Variants in INTS7 observed in about 807,000 individuals in gnomAD.
INTS7 encodes the protein integrator complex subunit 7, also known as chromosome 1 open reading frame 73.
Under a neutral mutation model 109.2 loss-of-function variants are expected in INTS7, and 46 were observed. The observed-to-expected ratio is 0.42, with a 90% CI of 0.33 to 0.54. The LOEUF is 0.54. Among genes scored for constraint, INTS7 ranks in the 20% least tolerant of loss-of-function variants. The probability of loss-of-function intolerance (pLI) is 0.07; values close to 1 mark genes in which losing one functional copy is unlikely to be tolerated. For missense variants in INTS7, 929 were observed against 1,132.4 expected (o/e 0.82, Z 2.58); for synonymous variants, 412 against 402.9 (o/e 1.02, Z -0.27).
chr1:212,016,258 G>GCTTTTCATA (rs2102484204), intron 4 of INTS7, among the ~76,000 whole-genome samples: 1 of 152,214 alleles, frequency 6.6e-6, no homozygotes, highest in South Asian at 2.1e-4. Flanking sequence ...CTTGTTTAAG[G>GCTTTTCATA]CTTTTCATAC....
intron 14 of INTS7, among the ~76,000 whole-genome samples, chr1:211,968,288 T>C (rs1664001344): frequency 6.6e-6 from 1 of 152,236 alleles, no homozygotes; most frequent in Non-Finnish European, 1.5e-5. Context: ...TAAAAAAATC[T>C]GTCCTTTCTC....
chr1:211,948,066 G>C (rs1025930460), intron 17 of INTS7, among the ~76,000 whole-genome samples: 5 of 152,144 alleles, frequency 3.3e-5, no homozygotes, highest in Non-Finnish European at 5.9e-5. Flanking sequence ...CAACACCACA[G>C]GTTGAAAACT....
chr1:211,966,161 G>A (rs191289576), intron 16 of INTS7: 32 of 210,384 alleles, frequency 1.5e-4, no homozygotes, highest in Admixed American at 2.9e-4. Context: ...TCAATTTTTC[G>A]TAGTATAATT....
intron 13 of INTS7, among the ~76,000 whole-genome samples, chr1:211,974,778 T>C (rs1484186832): frequency 1.3e-5 from 2 of 152,164 alleles, no homozygotes; most frequent in Non-Finnish European, 2.9e-5. Flanking sequence ...AATTTCTCTT[T>C]ATCTATAAAG....
chr1:211,962,885 G>C (rs985065311), intron 16 of INTS7, among the ~76,000 whole-genome samples: 6 of 152,108 alleles, frequency 3.9e-5, no homozygotes, highest in Non-Finnish European at 7.4e-5. Flanking sequence ...TGTTAAGAAG[G>C]AAATGTACAG....
intron 16 of INTS7, 180 bp downstream of exon 16, chr1:211,966,250 G>C: frequency 2.4e-6 from 1 of 412,854 alleles, no homozygotes. Flanking sequence ...TTGAAAACAG[G>C]AGGCAGGAGG....
At position 211,941,679 on chromosome 1, in the gene INTS7, A is replaced by T; in HGVS notation, c.*145T>A. On this transcript the variant is annotated 3_prime_UTR_variant, in exon 20 of 20. Transcript: ENST00000366994. ...GTCAGACAAAATTTTTAAGAAAACA[A>T]AATTTTTTCCAGAATATTACATTAC... The T allele has an allele frequency of 7.6e-7, 1 of 1,311,798 alleles. No homozygotes were observed. The highest frequency in any genetic ancestry group is 1.0e-6 in the Non-Finnish European group (1 of 976,570). The allele number at this position is 1,311,798 out of a possible 1,614,324, so 81.3% of individuals were successfully genotyped here. A position where few individuals can be genotyped will look rare whatever the true frequency, so the allele number is the denominator to read the frequency against.
chr1:212,004,168 C>T (rs1665800134), intron 7 of INTS7, among the ~76,000 whole-genome samples: 1 of 152,038 alleles, frequency 6.6e-6, no homozygotes, highest in Non-Finnish European at 1.5e-5. Flanking sequence ...AACATGATGA[C>T]GATTCTCTAC....
At chr1:212,020,695 C>A in intron 2 of INTS7, 2 of 997,656 alleles carry the variant, frequency 2.0e-6, no homozygotes, top group Non-Finnish European at 2.4e-6. Flanking sequence ...GGAGAAAAAG[C>A]AAATAGGCAT....
chr1:211,993,532 T>C lies in INTS7; in HGVS notation c.880-5529A>G, dbSNP rs545417283. ...CTGTCTCTACTAAAAATACAAAAAT[T>C]AGCTAGGCGTGGTGGCAGGCGCCTG... On this transcript the variant is annotated intron_variant, in intron 7 of 19. Transcript: ENST00000366994. Among the ~76,000 whole-genome samples the C allele has an allele frequency of 2.0e-5, 3 of 151,894 alleles. No homozygotes were observed. In the East Asian group the frequency reaches 5.8e-4, roughly 29 times the overall value.
At chr1:211,958,079 AAAC>A (rs951204205) in intron 16 of INTS7, among the ~76,000 whole-genome samples, 4 of 151,612 alleles carry the variant, frequency 2.6e-5, no homozygotes, top group African/African-American at 7.3e-5. Flanking sequence ...TTAAAAAAAA[AAAC>A]AAAAACATTT....
intron 12 of INTS7, 32 bp from the exon 13 acceptor site, chr1:211,975,404 AG>A: frequency 6.5e-7 from 1 of 1,540,398 alleles, no homozygotes; most frequent in Non-Finnish European, 9.0e-7. Flanking sequence ...AAAAAAGAAT[AG>A]AAGGAGCACA....
chr1:211,973,759 C>G (rs567554539), intron 13 of INTS7, among the ~76,000 whole-genome samples: 1 of 152,208 alleles, frequency 6.6e-6, no homozygotes, highest in Non-Finnish European at 1.5e-5. Context: ...GTAGACTACA[C>G]TCAAGTGAAG....
chr1:212,005,286 A>G (rs1665854864), intron 7 of INTS7, among the ~76,000 whole-genome samples: 1 of 152,220 alleles, frequency 6.6e-6, no homozygotes, highest in Non-Finnish European at 1.5e-5. Flanking sequence ...AAGAAGGTAA[A>G]AGAAGAGCAA....
chr1:211,995,454 A>G, intron 7 of INTS7, among the ~76,000 whole-genome samples: 1 of 152,224 alleles, frequency 6.6e-6, no homozygotes, highest in East Asian at 1.9e-4. Context: ...TACCTAGATG[A>G]CAGAGAAAGG....
intron 1 of INTS7, among the ~76,000 whole-genome samples, chr1:212,027,635 T>C (rs1173338427): frequency 6.6e-6 from 1 of 152,262 alleles, no homozygotes; most frequent in Non-Finnish European, 1.5e-5. Flanking sequence ...GCATTCATTA[T>C]TCTAACATTA....
At chr1:211,968,729 G>T in intron 13 of INTS7, 22 bp from the exon 14 acceptor site, 2 of 1,517,270 alleles carry the variant, frequency 1.3e-6, no homozygotes, top group Non-Finnish European at 1.8e-6. Flanking sequence ...AAAAAAAAGA[G>T]ATATTTAAGA....
intron 8 of INTS7, among the ~76,000 whole-genome samples, chr1:211,986,097 T>C (rs181944588): frequency 6.6e-5 from 10 of 152,286 alleles, no homozygotes; most frequent in Middle Eastern, 3.4e-3. Context: ...GGTTGACAAA[T>C]GCTTTTGTGT....
chr1:211,970,518 A>G (rs1664123940), intron 13 of INTS7, among the ~76,000 whole-genome samples: 1 of 152,234 alleles, frequency 6.6e-6, no homozygotes, highest in Non-Finnish European at 1.5e-5. Context: ...GTCAGTTACA[A>G]TATTATCTGG....
Sources: gnomAD v4.1 joint callset for allele counts (sites outside exome capture counted in the v4.1 genomes callset) on GRCh38, gnomAD v4.1.1 for gene constraint, MANE v1.5 for transcripts, NCBI Gene and HGNC (gene_info 2026-07-23, HGNC 2026-07-21) for gene names.